Variants in PGPEP1L observed in about 807,000 individuals in gnomAD.
PGPEP1L encodes the protein pyroglutamyl-peptidase 1-like protein.
Under a neutral mutation model 6.0 loss-of-function variants are expected in PGPEP1L, and 7 were observed. The observed-to-expected ratio is 1.17, with a 90% CI of 0.66 to 2.19. The LOEUF (loss-of-function observed/expected upper bound fraction) is 2.19. PGPEP1L is among the 30% of genes most tolerant of loss of function. PGPEP1L has a pLI of 0.00. For missense variants in PGPEP1L, 209 were observed against 192.5 expected (o/e 1.09, Z -0.51); for synonymous variants, 103 against 83.9 (o/e 1.23, Z -1.24).
rs751525746 is a variant in PGPEP1L at position 98,969,412 on chromosome 15, C to T, written c.209+13G>A. 1.4e-5 allele frequency: 22 copies of T among 1,613,692 alleles called. No individual in the cohort carries two copies. The South Asian group carries it at 2.2e-4, about 16-fold the overall frequency. ...TCCTACCTGCTCAGAGTCCTGACAC[C>T]CACAGAGCATACCTGCCTGCATCTC... On this transcript the variant is annotated intron_variant, in intron 4 of 4. Coordinates refer to ENST00000535714, the MANE Select transcript of PGPEP1L (RefSeq NM_001167902.2).
At chr15:98,999,089 T>C (rs528341962) in intron 2 of PGPEP1L, among the ~76,000 whole-genome samples, 1 of 152,240 alleles carries the variant, frequency 6.6e-6, no homozygotes, top group African/African-American at 2.4e-5. Flanking sequence ...CAGGAATAAT[T>C]AACAAACTAG....
intron 2 of PGPEP1L, among the ~76,000 whole-genome samples, chr15:98,994,064 G>C (rs539564798): frequency 4.6e-5 from 7 of 151,098 alleles, no homozygotes; most frequent in Non-Finnish European, 8.9e-5. Context: ...TCAGGAGATC[G>C]AGACCATCCT....
chr15:98,973,704 A>C (rs2017529237), intron 2 of PGPEP1L, among the ~76,000 whole-genome samples: 2 of 152,164 alleles, frequency 1.3e-5, no homozygotes, highest in African/African-American at 4.8e-5. Context: ...TACAGCAAAA[A>C]CTGTTCTAAG....
intron 2 of PGPEP1L, among the ~76,000 whole-genome samples, chr15:99,000,480 G>C (rs2017949765): frequency 6.6e-6 from 1 of 152,170 alleles, no homozygotes; most frequent in South Asian, 2.1e-4. Flanking sequence ...GTCTGGTGGG[G>C]ATGGAGAACC....
chr15:98,979,316 G>A (rs2017620375), intron 2 of PGPEP1L, among the ~76,000 whole-genome samples: 1 of 123,864 alleles, frequency 8.1e-6, no homozygotes, highest in Non-Finnish European at 1.7e-5. Context: ...CTGATTTCAG[G>A]ATGCCAAAAT....
chr15:98,983,158 G>GGA lies in PGPEP1L; in HGVS notation c.-141-12001_-141-12000insTC, dbSNP rs773903560. The stretch of plus-strand genomic sequence containing the variant: ...GTGGGAAGAATAAAGGTTCTCTTGG[G>GGA]AAAAAAAAAAAAAGAAGAATCAAGA... On this transcript the variant is annotated intron_variant, in intron 2 of 4. Coordinates refer to ENST00000535714, the MANE Select transcript of PGPEP1L (RefSeq NM_001167902.2). Among the ~76,000 whole-genome samples, 126 of 75,254 alleles carry GGA rather than the reference G, an allele frequency of 1.7e-3. No homozygotes were observed. In the East Asian group the frequency reaches 0.019, roughly 11 times the overall value. 49.4% of individuals were successfully genotyped at this position (75,254 alleles called of 152,430 possible). A position where few individuals can be genotyped will look rare whatever the true frequency, so the allele number is the denominator to read the frequency against.
At chr15:98,975,751 CAT>C (rs2017560088) in intron 2 of PGPEP1L, among the ~76,000 whole-genome samples, 1 of 152,082 alleles carries the variant, frequency 6.6e-6, no homozygotes, top group Non-Finnish European at 1.5e-5. Flanking sequence ...CATGGTGGTG[CAT>C]GCCTGTATTC....
intron 2 of PGPEP1L, among the ~76,000 whole-genome samples, chr15:98,998,880 C>T (rs139985207): frequency 0.017 from 2,595 of 152,266 alleles, 81 homozygotes; most frequent in African/African-American, 0.059. Flanking sequence ...AAGGCTGAGG[C>T]AGGAGAATCG....
intron 2 of PGPEP1L, among the ~76,000 whole-genome samples, chr15:99,001,906 T>C (rs1044954624): frequency 2.0e-5 from 3 of 152,056 alleles, no homozygotes; most frequent in Non-Finnish European, 2.9e-5. Context: ...TTAGTAGAGA[T>C]GGGGTTTCAC....
At chr15:99,006,333 G>A (rs1199976048) in intron 1 of PGPEP1L, among the ~76,000 whole-genome samples, 2 of 152,266 alleles carry the variant, frequency 1.3e-5, no homozygotes, top group Non-Finnish European at 2.9e-5. Context: ...CCTGCGAAAA[G>A]TGCTTTCTTG....
At chr15:98,999,240 A>G (rs1443590473) in intron 2 of PGPEP1L, among the ~76,000 whole-genome samples, 1 of 152,228 alleles carries the variant, frequency 6.6e-6, no homozygotes, top group African/African-American at 2.4e-5. Context: ...AACTCTTGAA[A>G]CTCAAACAGT....
chr15:98,981,708 C>T (rs1054630343), intron 2 of PGPEP1L, among the ~76,000 whole-genome samples: 2 of 152,014 alleles, frequency 1.3e-5, no homozygotes, highest in Admixed American at 6.5e-5. Context: ...CTACTGGTTC[C>T]GTCATTGTGA....
chr15:98,984,136 A>C (rs1463328379), intron 2 of PGPEP1L, among the ~76,000 whole-genome samples: 1 of 150,012 alleles, frequency 6.7e-6, no homozygotes, highest in African/African-American at 2.5e-5. Flanking sequence ...TCAGCCTCCC[A>C]AGTAGCTGGG....
intron 2 of PGPEP1L, among the ~76,000 whole-genome samples, chr15:98,984,658 C>A (rs1395117347): frequency 1.3e-5 from 2 of 152,122 alleles, no homozygotes; most frequent in African/African-American, 4.8e-5. Flanking sequence ...TATACTGGCA[C>A]TTTCAGTGGG....
At chr15:99,000,402 G>A (rs539352876) in intron 2 of PGPEP1L, among the ~76,000 whole-genome samples, 5 of 152,362 alleles carry the variant, frequency 3.3e-5, no homozygotes, top group East Asian at 1.9e-4. Context: ...CATGGCACAG[G>A]ACTGGCAGGC....
chr15:98,998,564 G>A (rs1452514940), intron 2 of PGPEP1L, among the ~76,000 whole-genome samples: 1 of 152,178 alleles, frequency 6.6e-6, no homozygotes, highest in Non-Finnish European at 1.5e-5. Context: ...AAAGGGATAG[G>A]TTCGTCAACC....
chr15:99,005,260 A>G (rs1377828564), intron 2 of PGPEP1L, among the ~76,000 whole-genome samples, 169 bp downstream of exon 2: 1 of 152,230 alleles, frequency 6.6e-6, no homozygotes, highest in Non-Finnish European at 1.5e-5. Flanking sequence ...TTGTTTATTA[A>G]TAGGGCACAG....
At chr15:98,969,715 T>C in intron 3 of PGPEP1L, 64 bp from the exon 4 acceptor site, 1 of 1,526,946 alleles carries the variant, frequency 6.5e-7, no homozygotes, top group Non-Finnish European at 9.0e-7. Context: ...TCACCAAATG[T>C]GCAGAAGGGG....
chr15:98,984,009 C>CTTT lies in PGPEP1L; in HGVS notation c.-141-12854_-141-12852dup, dbSNP rs71456904. On this transcript the variant is annotated intron_variant, in intron 2 of 4. Coordinates refer to ENST00000535714, the MANE Select transcript of PGPEP1L (RefSeq NM_001167902.2). ...AATGCCTGGCAGTGGAGTAAGTAGT[C>CTTT]TTTTTTTTTTTTTTTTTTTTTTTTC... Among the ~76,000 whole-genome samples, 31 of 115,782 alleles carry CTTT rather than the reference C, an allele frequency of 2.7e-4. 1 individual carries two copies. Among genetic ancestry groups the CTTT allele is most frequent in the East Asian group, 5.7e-4 (2 of 3,510 alleles). 76.0% of individuals were successfully genotyped at this position (115,782 alleles called of 152,430 possible). A position where few individuals can be genotyped will look rare whatever the true frequency, so the allele number is the denominator to read the frequency against.
Sources: gnomAD v4.1 joint callset for allele counts (sites outside exome capture counted in the v4.1 genomes callset) on GRCh38, gnomAD v4.1.1 for gene constraint, MANE v1.5 for transcripts, NCBI Gene and HGNC (gene_info 2026-07-23, HGNC 2026-07-21) for gene names.